LINGO2: variants seen among roughly 807,000 people sequenced by gnomAD.
LINGO2 encodes the protein leucine-rich repeat and immunoglobulin-like domain-containing nogo receptor-interacting protein 2.
LINGO2 carries 14 observed loss-of-function variants against 30.6 expected under a neutral mutation model. The ratio of observed to expected loss-of-function variants is 0.46; its 90% CI spans 0.30 to 0.72. The LOEUF (loss-of-function observed/expected upper bound fraction) is 0.72. LINGO2 is among the 30% of genes least tolerant of loss of function. The pLI is 0.07. For synonymous variants in LINGO2, 317 were observed against 288.5 expected (o/e 1.10, Z -1.00); for missense variants, 729 against 751.7 (o/e 0.97, Z 0.35).
At chr9:28,724,173 A>G in the LINGO2 span, among the ~76,000 whole-genome samples, 1 of 152,164 alleles carries the variant, frequency 6.6e-6, no homozygotes, top group African/African-American at 2.4e-5. Flanking sequence ...AAAATGAAGG[A>G]GTTAGACTGC....
the LINGO2 span, among the ~76,000 whole-genome samples, chr9:28,693,281 T>C: frequency 2.6e-5 from 4 of 152,116 alleles, no homozygotes; most frequent in South Asian, 8.3e-4. Context: ...ATATATAATG[T>C]TTAAAGCCAA....
intron 4 of LINGO2, among the ~76,000 whole-genome samples, chr9:28,027,279 G>A (rs1823425621): frequency 1.3e-5 from 2 of 152,098 alleles, no homozygotes; most frequent in Non-Finnish European, 2.9e-5. Flanking sequence ...AGGAAATTGA[G>A]GTATAGAGAA....
Position 28,455,700 on chromosome 9 carries a change from CATTCTACT to C in LINGO2, c.-279+20232_-279+20239del, listed in dbSNP as rs560950826. On this transcript the variant is annotated intron_variant, in intron 2 of 5. Coordinates refer to ENST00000379992, the Ensembl canonical transcript of LINGO2. ...TCTCTTGCTTACAACCCAGCAATGGCATTCTACTATTCATAAGGACAGGTACAAACTAC... is the reference window on the plus strand; with the variant it reads ...TCTCTTGCTTACAACCCAGCAATGGCATTCATAAGGACAGGTACAAACTAC... Among the ~76,000 whole-genome samples, 363 of 152,242 alleles carry C rather than the reference CATTCTACT, an allele frequency of 2.4e-3. 1 individual carries two copies. Among genetic ancestry groups the C allele is most frequent in the Non-Finnish European group, 4.3e-3 (289 of 67,994 alleles).
At chr9:28,463,319 C>T (rs889611881) in intron 2 of LINGO2, among the ~76,000 whole-genome samples, 2 of 151,752 alleles carry the variant, frequency 1.3e-5, no homozygotes, top group African/African-American at 2.4e-5. Flanking sequence ...GAACTATAAT[C>T]GATTTTTTGA....
intron 2 of LINGO2, among the ~76,000 whole-genome samples, chr9:28,446,875 T>C (rs1285137596): frequency 1.3e-5 from 2 of 152,190 alleles, no homozygotes; most frequent in Non-Finnish European, 2.9e-5. Context: ...AGGAATACCA[T>C]AAATGACAGG....
chr9:28,137,917 T>C (rs1313243981), intron 4 of LINGO2, among the ~76,000 whole-genome samples: 1 of 152,334 alleles, frequency 6.6e-6, no homozygotes. Context: ...CCATGAGTTA[T>C]ACATTTTCAG....
chr9:28,963,715 T>C, the LINGO2 span, among the ~76,000 whole-genome samples: 1 of 151,852 alleles, frequency 6.6e-6, no homozygotes, highest in African/African-American at 2.4e-5. Flanking sequence ...CTCACATATG[T>C]GAGCTAAGAA....
chr9:28,557,297 C>G (rs1040601407), intron 1 of LINGO2, among the ~76,000 whole-genome samples: 1 of 151,810 alleles, frequency 6.6e-6, no homozygotes, highest in Non-Finnish European at 1.5e-5. Context: ...AACAAATTTA[C>G]AAGAAAAAAA....
chr9:28,648,254 G>A (rs1327735704), intron 1 of LINGO2, among the ~76,000 whole-genome samples: 1 of 152,062 alleles, frequency 6.6e-6, no homozygotes, highest in Non-Finnish European at 1.5e-5. Flanking sequence ...TCAGAATTAT[G>A]CTTCTCTAGT....
chr9:29,007,797 T>C, the LINGO2 span, among the ~76,000 whole-genome samples: 2 of 152,104 alleles, frequency 1.3e-5, no homozygotes, highest in Non-Finnish European at 2.9e-5. Flanking sequence ...AGGTTTAAAG[T>C]GCAAGTGAAT....
intron 1 of LINGO2, among the ~76,000 whole-genome samples, chr9:28,546,267 A>C (rs59752904): frequency 0.013 from 2,053 of 152,230 alleles, 45 homozygotes; most frequent in East Asian, 0.097. Flanking sequence ...AGCTGACACT[A>C]CTATAGCAAA....
chr9:28,688,108 T>A, the LINGO2 span, among the ~76,000 whole-genome samples: 1 of 152,150 alleles, frequency 6.6e-6, no homozygotes, highest in South Asian at 2.1e-4. Flanking sequence ...TTTACACATA[T>A]GATACAAATG....
the LINGO2 span, among the ~76,000 whole-genome samples, chr9:28,870,034 C>T: frequency 1.3e-5 from 2 of 151,456 alleles, no homozygotes; most frequent in Non-Finnish European, 3.0e-5. Flanking sequence ...AAAAAAAAAA[C>T]CCATAACATG....
the LINGO2 span, among the ~76,000 whole-genome samples, chr9:28,847,480 C>T: frequency 6.8e-6 from 1 of 146,882 alleles, no homozygotes; most frequent in Non-Finnish European, 1.5e-5. Context: ...CAGTTCTCAT[C>T]TGTCTGTTAT....
the LINGO2 span, among the ~76,000 whole-genome samples, chr9:28,752,005 C>A: frequency 1.3e-5 from 2 of 152,090 alleles, no homozygotes; most frequent in Admixed American, 6.5e-5. Context: ...AGAGTAAAAA[C>A]CATATTATAA....
the LINGO2 span, among the ~76,000 whole-genome samples, chr9:28,854,742 T>C: frequency 2.5e-3 from 381 of 152,054 alleles, 2 homozygotes; most frequent in Non-Finnish European, 4.9e-3. Flanking sequence ...AAACCAAAAA[T>C]AAATACTGCT....
the LINGO2 span, among the ~76,000 whole-genome samples, chr9:28,999,774 A>G: frequency 1.3e-5 from 2 of 152,024 alleles, no homozygotes; most frequent in Non-Finnish European, 2.9e-5. Flanking sequence ...AAACAGTTTC[A>G]TGCAACCTTT....
chr9:28,020,032 A>G (rs1823034650), intron 4 of LINGO2, among the ~76,000 whole-genome samples: 1 of 152,172 alleles, frequency 6.6e-6, no homozygotes, highest in Non-Finnish European at 1.5e-5. Flanking sequence ...GATGTGTTGT[A>G]CAAGTGCCCC....
At chr9:29,027,068 T>C in the LINGO2 span, among the ~76,000 whole-genome samples, 3 of 152,284 alleles carry the variant, frequency 2.0e-5, no homozygotes, top group East Asian at 1.9e-4. Flanking sequence ...ACCAGTGTTA[T>C]AAATCAGTGA....
Sources: gnomAD v4.1 joint callset for allele counts (sites outside exome capture counted in the v4.1 genomes callset) on GRCh38, gnomAD v4.1.1 for gene constraint, MANE v1.5 for transcripts, NCBI Gene and HGNC (gene_info 2026-07-23, HGNC 2026-07-21) for gene names.